The following RBFOX1 variants were observed in gnomAD, a reference collection of about 807,000 sequenced individuals.
RBFOX1 encodes RNA binding protein fox-1 homolog 1.
Under a neutral mutation model 57.7 loss-of-function variants are expected in RBFOX1, and 8 were observed. That is an observed-to-expected ratio of 0.14 (90% CI 0.08 to 0.25). RBFOX1 has a LOEUF of 0.25. RBFOX1 is among the 10% of genes least tolerant of loss of function. RBFOX1 has a pLI of 1.00. For synonymous variants in RBFOX1, 326 were observed against 222.4 expected (o/e 1.47, Z -4.15); for missense variants, 611 against 548.5 (o/e 1.11, Z -1.14).
intron 3 of RBFOX1, among the ~76,000 whole-genome samples, chr16:6,960,007 C>A (rs898026309): frequency 2.6e-5 from 4 of 151,984 alleles, no homozygotes; most frequent in Non-Finnish European, 4.4e-5. Context: ...TAACAAAAAC[C>A]CCCCAAGAGT....
At chr16:7,055,323 T>C (rs931589031) in intron 4 of RBFOX1, among the ~76,000 whole-genome samples, 4 of 152,184 alleles carry the variant, frequency 2.6e-5, no homozygotes, top group Admixed American at 2.6e-4. Context: ...CTGTGAGTTA[T>C]AGACAAGCTA....
At chr16:5,637,309 CT>C (rs1311193311) in intron 3 of RBFOX1, among the ~76,000 whole-genome samples, 1 of 152,166 alleles carries the variant, frequency 6.6e-6, no homozygotes. Flanking sequence ...ACCCTGCCCC[CT>C]ACCCCAGTTT....
At chr16:5,313,465 T>C (rs1361506753) in intron 1 of RBFOX1, among the ~76,000 whole-genome samples, 6 of 152,186 alleles carry the variant, frequency 3.9e-5, no homozygotes, top group African/African-American at 1.4e-4. Flanking sequence ...CATCTACATA[T>C]GACCTCCTTA....
intron 1 of RBFOX1, among the ~76,000 whole-genome samples, chr16:6,102,496 A>G (rs1054699312): frequency 6.6e-6 from 1 of 152,150 alleles, no homozygotes; most frequent in African/African-American, 2.4e-5. Flanking sequence ...CTTTCTCTGC[A>G]CAGGAAAAGT....
chr16:7,706,800 AG>A (rs2082597716), intron 14 of RBFOX1, among the ~76,000 whole-genome samples: 1 of 152,164 alleles, frequency 6.6e-6, no homozygotes, highest in Non-Finnish European at 1.5e-5. Flanking sequence ...TGAAATAAAG[AG>A]CAGTACCAAG....
intron 3 of RBFOX1, among the ~76,000 whole-genome samples, chr16:5,745,184 A>G (rs2052929796): frequency 6.6e-6 from 1 of 152,170 alleles, no homozygotes; most frequent in Admixed American, 6.5e-5. Flanking sequence ...AAGTGAGAAC[A>G]TGCAGTGTTT....
At chr16:7,104,983 A>G (rs1301379071) in intron 4 of RBFOX1, among the ~76,000 whole-genome samples, 1 of 151,988 alleles carries the variant, frequency 6.6e-6, no homozygotes, top group Non-Finnish European at 1.5e-5. Flanking sequence ...GTGTGTCTTT[A>G]TGTTTCTCAG....
intron 2 of RBFOX1, among the ~76,000 whole-genome samples, chr16:6,585,443 T>C (rs891201418): frequency 3.9e-5 from 6 of 152,226 alleles, no homozygotes; most frequent in Non-Finnish European, 5.9e-5. Context: ...GTATTCTCGG[T>C]CCCCTTTGAA....
At chr16:5,558,295 C>T (rs888365331) in intron 2 of RBFOX1, among the ~76,000 whole-genome samples, 17 of 152,296 alleles carry the variant, frequency 1.1e-4, no homozygotes, top group African/African-American at 9.6e-5. Flanking sequence ...CTGTAACACA[C>T]GCCTACTGGG....
chr16:5,277,285 G>A (rs138417785), intron 1 of RBFOX1, among the ~76,000 whole-genome samples: 116 of 152,046 alleles, frequency 7.6e-4, no homozygotes, highest in African/African-American at 2.7e-3. Flanking sequence ...GAATGAAACA[G>A]TGGACTTTGG....
chr16:7,472,953 T>TGGCTATGCGTTTCATA (rs1555493280), intron 4 of RBFOX1, among the ~76,000 whole-genome samples: 3 of 84,196 alleles, frequency 3.6e-5, no homozygotes, highest in Non-Finnish European at 6.1e-5. Flanking sequence ...TACAGGGATT[T>TGGCTATGCGTTTCATA]GGCTATGCCT....
At chr16:6,928,363 C>A (rs182699922) in intron 3 of RBFOX1, among the ~76,000 whole-genome samples, 126 of 152,208 alleles carry the variant, frequency 8.3e-4, no homozygotes, top group Admixed American at 1.4e-3. Context: ...AAAAGAGAAT[C>A]CTGATTTCTG....
At chr16:6,643,021 G>C (rs1227227100) in intron 2 of RBFOX1, among the ~76,000 whole-genome samples, 1 of 152,142 alleles carries the variant, frequency 6.6e-6, no homozygotes, top group African/African-American at 2.4e-5. Context: ...AGACTTTTCG[G>C]AATATTCTTT....
At chr16:5,284,737 T>C (rs1939355913) in intron 1 of RBFOX1, among the ~76,000 whole-genome samples, 1 of 148,406 alleles carries the variant, frequency 6.7e-6, no homozygotes, top group Non-Finnish European at 1.5e-5. Flanking sequence ...CTTTGCTGGG[T>C]ATAGTAGTTT....
At chr16:7,624,233 C>G (rs1408313172) in intron 10 of RBFOX1, among the ~76,000 whole-genome samples, 3 of 152,104 alleles carry the variant, frequency 2.0e-5, no homozygotes, top group South Asian at 4.1e-4. Flanking sequence ...TATGTAGAAT[C>G]AAAACATTTC....
rs563962170 is a variant in RBFOX1 at position 6,395,004 on chromosome 16, A to C, written c.-64+77947A>C. On this transcript the variant is annotated intron_variant, in intron 2 of 15. Transcript: ENST00000550418. ...TTGATGTACAGATAGGAAAATGATA[A>C]TCAGGGAAATTAAATGGCTGGCCAA... is the stretch of plus-strand genomic sequence containing the variant. Among the ~76,000 whole-genome samples the C allele has an allele frequency of 4.7e-4, 71 of 152,326 alleles. No homozygotes were observed. The South Asian group carries it at 0.014, about 31-fold the overall frequency.
chr16:7,458,829 C>T lies in RBFOX1; in HGVS notation c.28-59318C>T, dbSNP rs528886522. 7.9e-5 allele frequency among the ~76,000 whole-genome samples: 12 copies of T among 152,272 alleles called. No individual in the cohort carries two copies. In the East Asian group the frequency reaches 2.3e-3, roughly 29 times the overall value. ...TGTTCCTTTCCTAGCTGACTTTTGC[C>T]ATATTGCTTATCACCATTTGACATA... On this transcript the variant is annotated intron_variant, in intron 4 of 15. Transcript: ENST00000550418.
intron 1 of RBFOX1, among the ~76,000 whole-genome samples, chr16:5,398,998 A>G (rs1289065922): frequency 6.6e-6 from 1 of 152,102 alleles, no homozygotes; most frequent in Non-Finnish European, 1.5e-5. Flanking sequence ...CTCTTCCCGC[A>G]TTTGAGGGCC....
rs114329755 is a variant in RBFOX1 at position 7,476,129 on chromosome 16, C to T, written c.28-42018C>T. Among the ~76,000 whole-genome samples the T allele has an allele frequency of 6.1e-3, 926 of 152,174 alleles. 12 individuals are homozygous for T. Among genetic ancestry groups the T allele is most frequent in the African/African-American group, 0.021 (863 of 41,512 alleles). Reference sequence around the variant, plus strand: ...CACTAGCACACATCACCACACCCAGCAAATTTTTGTAGTTTTTGTAGATAC... The same window carrying T: ...CACTAGCACACATCACCACACCCAGTAAATTTTTGTAGTTTTTGTAGATAC... On this transcript the variant is annotated intron_variant, in intron 4 of 15. Transcript: ENST00000550418.
Sources: gnomAD v4.1 joint callset for allele counts (sites outside exome capture counted in the v4.1 genomes callset) on GRCh38, gnomAD v4.1.1 for gene constraint, MANE v1.5 for transcripts, NCBI Gene and HGNC (gene_info 2026-07-23, HGNC 2026-07-21) for gene names.